The following OR5H1 variants were observed in gnomAD, a reference collection of about 807,000 sequenced individuals.
OR5H1 encodes the protein olfactory receptor 5H1.
For synonymous variants in OR5H1, 124 were observed against 134.4 expected (o/e 0.92, Z 0.54); for missense variants, 378 against 366.8 (o/e 1.03, Z -0.25).
Position 98,133,666 on chromosome 3 carries a change from T to C in OR5H1, c.*27T>C. 1 of 1,553,636 alleles carries C rather than the reference T, an allele frequency of 6.4e-7. No homozygotes were observed. Among genetic ancestry groups the C allele is most frequent in the Non-Finnish European group, 8.8e-7 (1 of 1,142,154 alleles). On this transcript the variant is annotated 3_prime_UTR_variant, in exon 2 of 2. Transcript: ENST00000641874. ...ATCCTTTCTCTAATTACAAAAATAG[T>C]CACAAAATTATGCAAGTTAGAGGTA... is the stretch of plus-strand genomic sequence containing the variant.
Position 98,132,960 on chromosome 3 carries a change from A to G in OR5H1, c.263A>G (p.Lys88Arg), listed in dbSNP as rs748486320. 22 of 1,613,496 alleles carry G rather than the reference A, an allele frequency of 1.4e-5. No homozygotes were observed. The highest frequency in any genetic ancestry group is 1.9e-5 in the Non-Finnish European group (22 of 1,179,662). The change falls in exon 2 of 2, where the codon AAG becomes AGG. Residue 88 changes from lysine to arginine, a missense_variant. By Grantham distance (26) the Lys-to-Arg change is conservative (BLOSUM62 2). Coordinates refer to ENST00000641874, the MANE Select transcript of OR5H1 (RefSeq NM_001005338.2). ...TPKMLNNFLA[K>R]SKMISLSECK... ...AAGATGCTGAATAACTTCTTAGCTA[A>G]GAGTAAGATGATATCTCTCTCTGAA...
At position 98,133,313 on chromosome 3, in the gene OR5H1, A is replaced by T; in HGVS notation, c.616A>T (p.Ile206Phe). The change falls in exon 2 of 2, where the codon ATT (isoleucine) becomes TTT (phenylalanine). Residue 206 changes from isoleucine to phenylalanine, a missense_variant. Physicochemically the swap from Ile to Phe is conservative, Grantham distance 21. Coordinates refer to ENST00000641874, the MANE Select transcript of OR5H1 (RefSeq NM_001005338.2). ...FLMVFIFSGS[I>F]QVFSIVTILV... ...AATGGTTTTTATTTTCTCAGGTTCA[A>T]TTCAGGTATTCAGCATTGTGACTAT... The T allele has an allele frequency of 6.2e-7, 1 of 1,613,048 alleles. No homozygotes were observed. The highest frequency in any genetic ancestry group is 8.5e-7 in the Non-Finnish European group (1 of 1,179,530).
intron 1 of OR5H1, among the ~76,000 whole-genome samples, chr3:98,132,260 C>G (rs1406499114): frequency 6.6e-6 from 1 of 151,942 alleles, no homozygotes; most frequent in Non-Finnish European, 1.5e-5. Context: ...GATGTAATTT[C>G]CCATCTTAAA....
rs769827815 is a variant in OR5H1 at position 98,132,766 on chromosome 3, GA to G, written c.73del (p.Ile25TyrfsTer9). 2 of 1,613,344 alleles carry G rather than the reference GA, an allele frequency of 1.2e-6. No individual in the cohort carries two copies. The highest frequency in any genetic ancestry group is 1.7e-5 in the Admixed American group (1 of 59,948). On this transcript the variant is annotated frameshift_variant, in exon 2 of 2. Coordinates refer to ENST00000641874, the MANE Select transcript of OR5H1 (RefSeq NM_001005338.2). LOFTEE classifies it low-confidence loss of function (END_TRUNC). ...CAGGATTTTTATATCAACCACAGTG[GA>G]AAATACCCCTGTTCCTGGCATTCTT... ...LTGFLYQPQW[K>X]IPLFLAFLVI...
chr3:98,133,350 A>G lies in OR5H1; in HGVS notation c.653A>G (p.Tyr218Cys), dbSNP rs371404886. The G allele has an allele frequency of 3.4e-5, 55 of 1,613,324 alleles. No individual in the cohort carries two copies. Among genetic ancestry groups the G allele is most frequent in the Non-Finnish European group, 4.6e-5 (54 of 1,179,710 alleles). Reference protein sequence around the residue: ...VFSIVTILVSYTFVLFAILKK... With the variant: ...VFSIVTILVSCTFVLFAILKK... ...AGCATTGTGACTATTCTTGTATCTT[A>G]TACATTTGTTCTCTTCGCAATCTTA... The change falls in exon 2 of 2, where the codon TAT becomes TGT. Residue 218 changes from tyrosine (Y) to cysteine (C), a missense_variant. Coordinates refer to ENST00000641874, the MANE Select transcript of OR5H1 (RefSeq NM_001005338.2).
At position 98,132,580 on chromosome 3, in the gene OR5H1, G is replaced by A. The variant is rs534106709; in HGVS notation, c.-18-100G>A. 14 of 1,309,292 alleles carry A rather than the reference G, an allele frequency of 1.1e-5. No homozygotes were observed. The African/African-American group carries it at 1.3e-4, about 12-fold the overall frequency. The allele number at this position is 1,309,292 out of a possible 1,614,324, so 81.1% of individuals were successfully genotyped here. ...ATAGGACTGATCAAAAAATTGAGAG[G>A]GTTCTGATCATTTTAGGTTTTCCTT... On this transcript the variant is annotated intron_variant, in intron 1 of 1. Transcript: ENST00000641874.
At position 98,134,765 on chromosome 3, in the gene OR5H1, T is replaced by C. The variant is rs890169338; in HGVS notation, c.*1126T>C. 3.9e-5 allele frequency: 6 copies of C among 152,110 alleles called. No homozygotes were observed. Among genetic ancestry groups the C allele is most frequent in the South Asian group, 2.1e-4 (1 of 4,834 alleles). 9.4% of individuals were successfully genotyped at this position (152,110 alleles called of 1,614,324 possible). The stretch of plus-strand genomic sequence containing the variant: ...TCCTTTCACATTCTCACTGATACTA[T>C]TGAGGTCCCTAGCATAAAAACTACT... On this transcript the variant is annotated 3_prime_UTR_variant, in exon 2 of 2. Transcript: ENST00000641874.
rs900880705 is a variant in OR5H1, at chr3:98,137,862, C to T, written c.*4223C>T. 2.0e-5 allele frequency: 3 copies of T among 152,016 alleles called. No homozygotes were observed. Among genetic ancestry groups the T allele is most frequent in the African/African-American group, 7.2e-5 (3 of 41,400 alleles). 9.4% of individuals were successfully genotyped at this position (152,016 alleles called of 1,614,324 possible). ...TATGGTTTAAAAGTTCATTTATAAA[C>T]GTATATTGTACTTACATCTATTTAA... is the stretch of plus-strand genomic sequence containing the variant. On this transcript the variant is annotated 3_prime_UTR_variant, in exon 2 of 2. Coordinates refer to ENST00000641874, the MANE Select transcript of OR5H1 (RefSeq NM_001005338.2).
chr3:98,133,657 C>G lies in OR5H1; in HGVS notation c.*18C>G, dbSNP rs769126214. On this transcript the variant is annotated 3_prime_UTR_variant, in exon 2 of 2. Transcript: ENST00000641874. ...CATACTAATATCCTTTCTCTAATTA[C>G]AAAAATAGTCACAAAATTATGCAAG... is the stretch of plus-strand genomic sequence containing the variant. The G allele has an allele frequency of 1.0e-5, 16 of 1,557,034 alleles. No individual in the cohort carries two copies. Among genetic ancestry groups the G allele is most frequent in the African/African-American group, 1.4e-5 (1 of 72,882 alleles).
rs1708306887 is a variant in OR5H1 at position 98,135,464 on chromosome 3, A to C, written c.*1825A>C. 6.6e-6 allele frequency: 1 copy of C among 152,060 alleles called. No homozygotes were observed. Among genetic ancestry groups the C allele is most frequent in the Admixed American group, 6.6e-5 (1 of 15,264 alleles). 9.4% of individuals were successfully genotyped at this position (152,060 alleles called of 1,614,324 possible). Reference sequence around the variant, plus strand: ...CTCTCATTATGGGATATTGACTAAAACTCAGGCATACTTGCACTCTCTGTG... The same window carrying C: ...CTCTCATTATGGGATATTGACTAAACCTCAGGCATACTTGCACTCTCTGTG... On this transcript the variant is annotated 3_prime_UTR_variant, in exon 2 of 2. Coordinates refer to ENST00000641874, the MANE Select transcript of OR5H1 (RefSeq NM_001005338.2).
chr3:98,134,084 C>G lies in OR5H1; in HGVS notation c.*445C>G, dbSNP rs1230539212. 6.3e-6 allele frequency: 1 copy of G among 157,942 alleles called. No homozygotes were observed. Among genetic ancestry groups the G allele is most frequent in the Admixed American group, 6.1e-5 (1 of 16,280 alleles). 9.8% of individuals were successfully genotyped at this position (157,942 alleles called of 1,614,324 possible). On this transcript the variant is annotated 3_prime_UTR_variant, in exon 2 of 2. Coordinates refer to ENST00000641874, the MANE Select transcript of OR5H1 (RefSeq NM_001005338.2). ...GATTCTGCTAACCATCAAGGTCTTC[C>G]ATTTCATTATATTAGGAAAGGGTGA... is the stretch of plus-strand genomic sequence containing the variant.
rs1031043094 is a variant in OR5H1 at position 98,135,199 on chromosome 3, G to A, written c.*1560G>A. 6.6e-6 allele frequency: 1 copy of A among 152,102 alleles called. No individual in the cohort carries two copies. The highest frequency in any genetic ancestry group is 2.4e-5 in the African/African-American group (1 of 41,452). 9.4% of individuals were successfully genotyped at this position (152,102 alleles called of 1,614,324 possible). A position where few individuals can be genotyped will look rare whatever the true frequency, so the allele number is the denominator to read the frequency against. ...ATAAAGGCTTTTACAGGGCAAATGT[G>A]AAAGTATGGCAAAAGTAAAGATTGT... On this transcript the variant is annotated 3_prime_UTR_variant, in exon 2 of 2. Coordinates refer to ENST00000641874, the MANE Select transcript of OR5H1 (RefSeq NM_001005338.2).
chr3:98,132,193 T>G (rs1213734121), intron 1 of OR5H1, among the ~76,000 whole-genome samples: 1 of 152,026 alleles, frequency 6.6e-6, no homozygotes, highest in Non-Finnish European at 1.5e-5. Context: ...TGAGTACAGT[T>G]TCTTCTTCTT....
At position 98,133,259 on chromosome 3, in the gene OR5H1, T is replaced by C. The variant is rs770715934; in HGVS notation, c.562T>C (p.Ser188Pro). 1 of 1,611,700 alleles carries C rather than the reference T, an allele frequency of 6.2e-7. No individual in the cohort carries two copies. The highest frequency in any genetic ancestry group is 8.5e-7 in the Non-Finnish European group (1 of 1,178,346). Residue 188 changes from serine (S) to proline (P), a missense_variant, in exon 2 of 2, where the codon TCT (serine) becomes CCT (proline). Ser to Pro is a moderately conservative substitution (Grantham distance 74). Coordinates refer to ENST00000641874, the MANE Select transcript of OR5H1 (RefSeq NM_001005338.2). ...YCDTIPLSKI[S>P]CTDSSINFLM... ...TGACACTATCCCATTGTCTAAGATT[T>C]CTTGTACTGATTCTTCTATTAATTT...
rs898532722 is a variant in OR5H1, at chr3:98,133,835, A to G, written c.*196A>G. 2 of 506,654 alleles carry G rather than the reference A, an allele frequency of 3.9e-6. No individual in the cohort carries two copies. The highest frequency in any genetic ancestry group is 3.3e-5 in the East Asian group (1 of 30,402). The allele number at this position is 506,654 out of a possible 1,614,324, so 31.4% of individuals were successfully genotyped here. On this transcript the variant is annotated 3_prime_UTR_variant, in exon 2 of 2. Transcript: ENST00000641874. ...CATTCAAGAAATTTTCATACTGTTC[A>G]TAATAGAATAATGACTGTAGAAATC...
rs759463472 is a variant in OR5H1, at chr3:98,133,034, T to C, written c.337T>C (p.Phe113Leu). Residue 113 changes from phenylalanine (F) to leucine (L), a missense_variant, in exon 2 of 2, where the codon TTT (phenylalanine) becomes CTT (leucine). Phe to Leu is a conservative substitution (Grantham distance 22). Coordinates refer to ENST00000641874, the MANE Select transcript of OR5H1 (RefSeq NM_001005338.2). Reference sequence around the variant, plus strand: ...TGCAATCAGTGTAACCACGGAATGTTTTCTCTTGGCAACGATGGCATATGA... The same window carrying C: ...TGCAATCAGTGTAACCACGGAATGTCTTCTCTTGGCAACGATGGCATATGA... Reference protein sequence around the residue: ...SFAISVTTECFLLATMAYDRY... With the variant: ...SFAISVTTECLLLATMAYDRY... The C allele has an allele frequency of 8.1e-6, 13 of 1,613,500 alleles. No individual in the cohort carries two copies. Among genetic ancestry groups the C allele is most frequent in the Non-Finnish European group, 1.1e-5 (13 of 1,179,680 alleles).
rs773547296 is a variant in OR5H1 at position 98,132,967 on chromosome 3, G to A, written c.270G>A (p.Lys90=). Reference sequence around the variant, plus strand: ...TGAATAACTTCTTAGCTAAGAGTAAGATGATATCTCTCTCTGAATGCAAGA... The same window carrying A: ...TGAATAACTTCTTAGCTAAGAGTAAAATGATATCTCTCTCTGAATGCAAGA... ...KMLNNFLAKS[K]MISLSECKIQ... The change falls in exon 2 of 2, where the codon AAG becomes AAA. Residue 90 remains lysine, a synonymous_variant. Transcript: ENST00000641874. 3 of 1,613,608 alleles carry A rather than the reference G, an allele frequency of 1.9e-6. No individual in the cohort carries two copies. Among genetic ancestry groups the A allele is most frequent in the Admixed American group, 3.3e-5 (2 of 59,978 alleles).
rs752673169 is a variant in OR5H1, at chr3:98,133,335, C to T, written c.638C>T (p.Thr213Ile). 38 of 1,613,184 alleles carry T rather than the reference C, an allele frequency of 2.4e-5. No homozygotes were observed. Among genetic ancestry groups the T allele is most frequent in the Non-Finnish European group, 2.8e-5 (33 of 1,179,662 alleles). Reference sequence around the variant, plus strand: ...TCAATTCAGGTATTCAGCATTGTGACTATTCTTGTATCTTATACATTTGTT... The same window carrying T: ...TCAATTCAGGTATTCAGCATTGTGATTATTCTTGTATCTTATACATTTGTT... Reference protein sequence around the residue: ...SGSIQVFSIVTILVSYTFVLF... With the variant: ...SGSIQVFSIVIILVSYTFVLF... The change falls in exon 2 of 2, where the codon ACT becomes ATT. Residue 213 changes from threonine (T) to isoleucine (I), a missense_variant. Coordinates refer to ENST00000641874, the MANE Select transcript of OR5H1 (RefSeq NM_001005338.2).
chr3:98,132,355 G>A (rs760923016), intron 1 of OR5H1, among the ~76,000 whole-genome samples: 7 of 151,868 alleles, frequency 4.6e-5, no homozygotes, highest in South Asian at 2.1e-4. Flanking sequence ...AATTCAGACC[G>A]TACAAAAATC....
Sources: gnomAD v4.1 joint callset for allele counts (sites outside exome capture counted in the v4.1 genomes callset) on GRCh38, gnomAD v4.1.1 for gene constraint, MANE v1.5 for transcripts, NCBI Gene and HGNC (gene_info 2026-07-23, HGNC 2026-07-21) for gene names.